The following KCNQ3 variants were observed in gnomAD, a reference collection of about 807,000 sequenced individuals.
KCNQ3 encodes potassium voltage-gated channel subfamily KQT member 3.
KCNQ3 carries 30 observed loss-of-function variants against 92.5 expected under a neutral mutation model. The observed-to-expected ratio is 0.32, with a 90% CI of 0.24 to 0.44. The LOEUF is 0.44. Among genes scored for constraint, KCNQ3 ranks in the 20% least tolerant of loss-of-function variants. KCNQ3 has a pLI of 1.00. For missense variants in KCNQ3, 913 were observed against 1,140.3 expected, an observed-to-expected ratio of 0.80 and a Z score of 2.87; for synonymous variants, 450 against 468.8, an observed-to-expected ratio of 0.96 and a Z score of 0.52.
In KCNQ3 at chr8:132,176,632, C is replaced by T. The variant is rs571069427; in HGVS notation, c.778-1024G>A. Among the ~76,000 whole-genome samples, 31 of 152,320 alleles carry T rather than the reference C, an allele frequency of 2.0e-4. 1 individual carries two copies. In the South Asian group the frequency reaches 6.4e-3, roughly 32 times the overall value. On this transcript the variant is annotated intron_variant, in intron 4 of 14. Transcript: ENST00000388996. ...TTCCTGACAGGGTTGCTTCCTGCCT[C>T]CCTGCAGGACTTGGCTCACATGGGT...
chr8:132,272,362 CCA>C (rs1816176861), intron 1 of KCNQ3, among the ~76,000 whole-genome samples: 1 of 152,132 alleles, frequency 6.6e-6, no homozygotes, highest in Non-Finnish European at 1.5e-5. Context: ...GTTCATGGGC[CCA>C]CATGGCCAAA....
intron 1 of KCNQ3, among the ~76,000 whole-genome samples, chr8:132,329,753 A>G (rs1157465590): frequency 1.3e-5 from 2 of 152,178 alleles, no homozygotes; most frequent in Non-Finnish European, 2.9e-5. Flanking sequence ...GTGTTCCCCA[A>G]ACTCTAGAGG....
At chr8:132,224,039 T>C (rs978543627) in intron 1 of KCNQ3, among the ~76,000 whole-genome samples, 2 of 146,304 alleles carry the variant, frequency 1.4e-5, no homozygotes, top group African/African-American at 5.0e-5. Flanking sequence ...CCTCAGCCTC[T>C]CAAGTAGCTG....
At chr8:132,387,003 T>C (rs1819907347) in intron 1 of KCNQ3, among the ~76,000 whole-genome samples, 1 of 152,226 alleles carries the variant, frequency 6.6e-6, no homozygotes, top group Non-Finnish European at 1.5e-5. Context: ...CATTACAGAA[T>C]GTGTATATGT....
In KCNQ3 at chr8:132,345,453, A is replaced by G. The variant is rs1215848190; in HGVS notation, c.386+134694T>C. On this transcript the variant is annotated intron_variant, in intron 1 of 14. Coordinates refer to ENST00000388996, the MANE Select transcript of KCNQ3 (RefSeq NM_004519.4). Reference sequence around the variant, plus strand: ...GCATGAGGCACTGGGGATGCAGTGAACAAGATGAGCTTCAACCATGATAGT... The same window carrying G: ...GCATGAGGCACTGGGGATGCAGTGAGCAAGATGAGCTTCAACCATGATAGT... Among the ~76,000 whole-genome samples, 3 of 152,260 alleles carry G rather than the reference A, an allele frequency of 2.0e-5. No individual in the cohort carries two copies. The East Asian group carries it at 5.8e-4, about 29-fold the overall frequency.
chr8:132,461,133 C>G (rs547440286), intron 1 of KCNQ3, among the ~76,000 whole-genome samples: 2 of 152,218 alleles, frequency 1.3e-5, no homozygotes, highest in East Asian at 3.9e-4. Context: ...GTTTGTTTAT[C>G]CATTCATCTT....
intron 1 of KCNQ3, among the ~76,000 whole-genome samples, chr8:132,470,558 A>G (rs1822275448): frequency 1.3e-5 from 2 of 152,218 alleles, no homozygotes; most frequent in African/African-American, 4.8e-5. Flanking sequence ...CTATTGCACC[A>G]TGCATCTCTT....
At chr8:132,343,407 C>A (rs1818591521) in intron 1 of KCNQ3, among the ~76,000 whole-genome samples, 1 of 152,282 alleles carries the variant, frequency 6.6e-6, no homozygotes, top group East Asian at 1.9e-4. Context: ...CAGGCCTAAT[C>A]TTTCTGTGTC....
intron 1 of KCNQ3, among the ~76,000 whole-genome samples, chr8:132,213,588 C>T (rs1022633819): frequency 6.6e-6 from 1 of 152,218 alleles, no homozygotes; most frequent in Non-Finnish European, 1.5e-5. Flanking sequence ...TCACCCCTCT[C>T]ATGCTGAGCT....
intron 1 of KCNQ3, among the ~76,000 whole-genome samples, chr8:132,251,456 C>T (rs56067553): frequency 1.1e-4 from 17 of 152,188 alleles, no homozygotes; most frequent in African/African-American, 4.1e-4. Flanking sequence ...AAAGAGAACT[C>T]CTGGGAAAAC....
chr8:132,137,659 GC>G (rs1270235522), intron 12 of KCNQ3, among the ~76,000 whole-genome samples: 1 of 152,156 alleles, frequency 6.6e-6, no homozygotes, highest in Non-Finnish European at 1.5e-5. Flanking sequence ...TCTCTGACAG[GC>G]CTGATCAGGG....
chr8:132,402,566 T>C (rs1273648978), intron 1 of KCNQ3, among the ~76,000 whole-genome samples: 1 of 152,190 alleles, frequency 6.6e-6, no homozygotes, highest in Non-Finnish European at 1.5e-5. Flanking sequence ...TGTTTCTAAA[T>C]GGTTTCTAAT....
intron 11 of KCNQ3, among the ~76,000 whole-genome samples, chr8:132,139,658 T>C (rs1422484326): frequency 1.3e-5 from 2 of 152,216 alleles, no homozygotes; most frequent in East Asian, 1.9e-4. Context: ...TATTATCTTG[T>C]TAAAAATGCG....
chr8:132,176,571 C>T (rs550387592), intron 4 of KCNQ3, among the ~76,000 whole-genome samples: 11 of 152,304 alleles, frequency 7.2e-5, no homozygotes, highest in African/African-American at 2.2e-4. Flanking sequence ...TGACCATCTG[C>T]GGCCAGTCAG....
intron 1 of KCNQ3, among the ~76,000 whole-genome samples, chr8:132,314,610 T>C (rs997928983): frequency 6.6e-6 from 1 of 152,216 alleles, no homozygotes; most frequent in African/African-American, 2.4e-5. Context: ...GTAACAGGAA[T>C]TATTGAGTAG....
At chr8:132,476,316 G>A (rs1323695085) in intron 1 of KCNQ3, among the ~76,000 whole-genome samples, 1 of 152,226 alleles carries the variant, frequency 6.6e-6, no homozygotes, top group Non-Finnish European at 1.5e-5. Context: ...ACTGTGAGAA[G>A]AGGGCCACCG....
intron 1 of KCNQ3, among the ~76,000 whole-genome samples, chr8:132,308,464 T>C (rs931134406): frequency 2.0e-5 from 3 of 151,898 alleles, no homozygotes; most frequent in East Asian, 1.9e-4. Context: ...CTGGAGGCAA[T>C]AGAAGCATTG....
chr8:132,245,975 C>T (rs894732034), intron 1 of KCNQ3, among the ~76,000 whole-genome samples: 1 of 109,292 alleles, frequency 9.1e-6, no homozygotes, highest in Non-Finnish European at 2.1e-5. Context: ...TAAATATTCA[C>T]CAACTTATTA....
chr8:132,183,420 G>A (rs573431922), intron 3 of KCNQ3, among the ~76,000 whole-genome samples: 1 of 152,222 alleles, frequency 6.6e-6, no homozygotes, highest in African/African-American at 2.4e-5. Context: ...CTGCTGCTGG[G>A]GACTGGAGCA....
Sources: allele counts gnomAD v4.1 joint callset (sites outside exome capture counted in the v4.1 genomes callset), GRCh38; gene constraint gnomAD v4.1.1; transcripts MANE v1.5; gene names NCBI Gene and HGNC (gene_info 2026-07-23, HGNC 2026-07-21).